Variants in FSTL5 observed in about 807,000 individuals in gnomAD.
FSTL5 encodes the protein follistatin-related protein 5.
Under a neutral mutation model 89.1 loss-of-function variants are expected in FSTL5, and 62 were observed. The ratio of observed to expected loss-of-function variants is 0.70; its 90% CI spans 0.57 to 0.86. The LOEUF (loss-of-function observed/expected upper bound fraction) is 0.86. FSTL5 is among the 40% of genes least tolerant of loss of function. FSTL5 has a pLI of 0.00. For missense variants in FSTL5, 1,057 were observed against 1,001.6 expected (o/e 1.06, Z -0.75); for synonymous variants, 383 against 346.2 (o/e 1.11, Z -1.18).
At chr4:161,677,114 G>T (rs934147249) in intron 6 of FSTL5, among the ~76,000 whole-genome samples, 1 of 151,812 alleles carries the variant, frequency 6.6e-6, no homozygotes, top group Non-Finnish European at 1.5e-5. Context: ...CCAATTTAGG[G>T]AATTTATATG....
chr4:161,460,326 T>G (rs1733514896), intron 13 of FSTL5, among the ~76,000 whole-genome samples: 1 of 151,430 alleles, frequency 6.6e-6, no homozygotes, highest in Admixed American at 6.6e-5. Flanking sequence ...GCCATGTTGG[T>G]GTGCTGCACC....
rs1578880716 is a variant in FSTL5, at chr4:161,943,756, C to CA, written c.161-23105_161-23104insT. On this transcript the variant is annotated intron_variant, in intron 3 of 15. Coordinates refer to ENST00000306100, the MANE Select transcript of FSTL5 (RefSeq NM_020116.5). The stretch of plus-strand genomic sequence containing the variant: ...ATTTTTAGTAGAGATGGGGTTTCAC[C>CA]GTGTTAGCCAGCATGGTCTCGATCT... Among the ~76,000 whole-genome samples the CA allele has an allele frequency of 2.6e-5, 4 of 151,528 alleles. No homozygotes were observed. In the East Asian group the frequency reaches 7.8e-4, roughly 29 times the overall value.
chr4:161,676,155 C>T (rs909452698), intron 6 of FSTL5, among the ~76,000 whole-genome samples: 4 of 151,952 alleles, frequency 2.6e-5, no homozygotes, highest in Non-Finnish European at 4.4e-5. Flanking sequence ...GTAGGCATTC[C>T]ACAAACAAAA....
intron 11 of FSTL5, among the ~76,000 whole-genome samples, chr4:161,505,675 A>G (rs780652846): frequency 2.6e-5 from 4 of 152,032 alleles, no homozygotes; most frequent in Non-Finnish European, 4.4e-5. Flanking sequence ...ATACATAATT[A>G]TATCTATGCA....
intron 7 of FSTL5, among the ~76,000 whole-genome samples, chr4:161,600,162 C>CACACACAG: frequency 8.3e-6 from 1 of 120,714 alleles, no homozygotes; most frequent in Non-Finnish European, 1.6e-5. Context: ...TCAATAAACA[C>CACACACAG]ACACACACAC....
At chr4:161,725,160 C>T (rs71639365) in intron 6 of FSTL5, among the ~76,000 whole-genome samples, 52,445 of 151,956 alleles carry the variant, frequency 0.35, 9,908 homozygotes, top group African/African-American at 0.51. Flanking sequence ...CACACCACTG[C>T]ACTCCAGCCT....
intron 6 of FSTL5, among the ~76,000 whole-genome samples, chr4:161,755,175 A>G (rs1740526970): frequency 6.6e-6 from 1 of 152,078 alleles, no homozygotes; most frequent in Admixed American, 6.5e-5. Context: ...CTTGAAGCAC[A>G]CAATAAGGAT....
At chr4:161,459,602 T>A (rs1450979775) in intron 13 of FSTL5, among the ~76,000 whole-genome samples, 1 of 152,112 alleles carries the variant, frequency 6.6e-6, no homozygotes, top group Non-Finnish European at 1.5e-5. Flanking sequence ...TGCACAACTG[T>A]ACACAGCTTT....
intron 10 of FSTL5, among the ~76,000 whole-genome samples, chr4:161,533,027 T>G (rs1731475195): frequency 6.6e-6 from 1 of 151,924 alleles, no homozygotes; most frequent in African/African-American, 2.4e-5. Flanking sequence ...ATCTTTGAAA[T>G]TAATGAAAAT....
Position 161,587,579 on chromosome 4 carries a change from T to C in FSTL5, c.895-4A>G. 2 of 1,586,342 alleles carry C rather than the reference T, an allele frequency of 1.3e-6. No individual in the cohort carries two copies. Among genetic ancestry groups the C allele is most frequent in the Non-Finnish European group, 1.7e-6 (2 of 1,167,546 alleles). On this transcript the variant is annotated splice_polypyrimidine_tract_variant and splice_region_variant and intron_variant, in intron 7 of 15. Transcript: ENST00000306100. Reference sequence around the variant, plus strand: ...AGGACCCATCATCTCCAAAGTCCTATTAAAAATAAAATAAAACAAGGTGTT... The same window carrying C: ...AGGACCCATCATCTCCAAAGTCCTACTAAAAATAAAATAAAACAAGGTGTT...
chr4:161,928,944 T>G (rs866828957), intron 3 of FSTL5, among the ~76,000 whole-genome samples: 1 of 151,806 alleles, frequency 6.6e-6, no homozygotes, highest in Non-Finnish European at 1.5e-5. Context: ...CCTTTGTTAT[T>G]GTAACTAAAA....
chr4:162,138,354 C>G (rs1732596594), intron 1 of FSTL5, among the ~76,000 whole-genome samples: 1 of 151,810 alleles, frequency 6.6e-6, no homozygotes, highest in African/African-American at 2.4e-5. Context: ...ACCACATTTA[C>G]AGATTAAAGG....
intron 4 of FSTL5, among the ~76,000 whole-genome samples, chr4:161,785,318 G>A (rs1022564823): frequency 6.6e-6 from 1 of 152,088 alleles, no homozygotes; most frequent in Non-Finnish European, 1.5e-5. Flanking sequence ...AGTCTCAGGA[G>A]GACAGCCTGC....
intron 15 of FSTL5, among the ~76,000 whole-genome samples, chr4:161,400,168 AT>A (rs1413242853): frequency 6.6e-6 from 1 of 152,136 alleles, no homozygotes; most frequent in Non-Finnish European, 1.5e-5. Flanking sequence ...TATGAAAAAA[AT>A]CAGTGAACCT....
intron 12 of FSTL5, among the ~76,000 whole-genome samples, chr4:161,497,420 T>A (rs1448038382): frequency 6.6e-6 from 1 of 152,058 alleles, no homozygotes; most frequent in Non-Finnish European, 1.5e-5. Context: ...TTATTCTTAG[T>A]TCTTTACAAA....
At position 162,029,164 on chromosome 4, in the gene FSTL5, A is replaced by AGT. The variant is rs1171184495; in HGVS notation, c.160+4460_160+4461insAC. 3.9e-4 allele frequency among the ~76,000 whole-genome samples: 38 copies of AGT among 96,208 alleles called. No individual in the cohort carries two copies. In the South Asian group the frequency reaches 7.7e-3, roughly 19 times the overall value. 63.1% of individuals were successfully genotyped at this position (96,208 alleles called of 152,430 possible). On this transcript the variant is annotated intron_variant, in intron 3 of 15. Transcript: ENST00000306100. Reference sequence around the variant, plus strand: ...ACATGAGGGAGAGAGAGAGAGAGAGAGAGTGTGTGTGTGTGTGTGTGTGCG... The same window carrying AGT: ...ACATGAGGGAGAGAGAGAGAGAGAGAGTGAGTGTGTGTGTGTGTGTGTGTGCG...
intron 7 of FSTL5, among the ~76,000 whole-genome samples, chr4:161,654,089 G>T (rs1246853351): frequency 1.3e-5 from 2 of 151,928 alleles, no homozygotes; most frequent in Non-Finnish European, 2.9e-5. Flanking sequence ...GTATATTTTA[G>T]AGACCTGACA....
chr4:161,981,800 T>C lies in FSTL5; in HGVS notation c.160+51825A>G, dbSNP rs17041829. On this transcript the variant is annotated intron_variant, in intron 3 of 15. Coordinates refer to ENST00000306100, the MANE Select transcript of FSTL5 (RefSeq NM_020116.5). Reference sequence around the variant, plus strand: ...TTCCATTTTAGTATTTATTCCAGCGTATGTATTGTAAATACTGACATTAAA... The same window carrying C: ...TTCCATTTTAGTATTTATTCCAGCGCATGTATTGTAAATACTGACATTAAA... Among the ~76,000 whole-genome samples, 1,514 of 152,332 alleles carry C rather than the reference T, an allele frequency of 9.9e-3. 25 individuals carry two copies. The highest frequency in any genetic ancestry group is 0.034 in the African/African-American group (1,415 of 41,572).
chr4:161,552,872 C>T (rs1304831300), intron 8 of FSTL5, among the ~76,000 whole-genome samples: 6 of 151,594 alleles, frequency 4.0e-5, no homozygotes, highest in Admixed American at 4.0e-4. Context: ...TGATGGCAGC[C>T]TGAATTAAAA....
Sources: gnomAD v4.1 joint callset for allele counts (sites outside exome capture counted in the v4.1 genomes callset) on GRCh38, gnomAD v4.1.1 for gene constraint, MANE v1.5 for transcripts, NCBI Gene and HGNC (gene_info 2026-07-23, HGNC 2026-07-21) for gene names.